Variants in LHFPL3 observed in about 807,000 individuals in gnomAD.
LHFPL3 encodes LHFPL tetraspan subfamily member 3 protein.
LHFPL3 carries 5 observed loss-of-function variants against 19.3 expected under a neutral mutation model. The observed-to-expected ratio is 0.26, with a 90% CI of 0.14 to 0.54. The LOEUF (loss-of-function observed/expected upper bound fraction) is 0.54. LHFPL3 is among the 20% of genes least tolerant of loss of function. LHFPL3 has a pLI of 0.94. For missense variants in LHFPL3, 249 were observed against 307.4 expected (o/e 0.81, Z 1.42); for synonymous variants, 133 against 126.2 (o/e 1.05, Z -0.36).
intron 1 of LHFPL3, among the ~76,000 whole-genome samples, chr7:104,531,088 C>T (rs866932830): frequency 6.6e-6 from 1 of 152,210 alleles, no homozygotes; most frequent in African/African-American, 2.4e-5. Flanking sequence ...AAGTCAGCAT[C>T]AAAGGATGCT....
intron 2 of LHFPL3, chr7:104,785,617 C>T (rs1306884353): frequency 6.6e-6 from 1 of 152,216 alleles, no homozygotes; most frequent in Admixed American, 6.5e-5. Flanking sequence ...ATTCTCCCAA[C>T]CTGCTTTCAC....
At chr7:104,571,832 G>C (rs568186467) in intron 1 of LHFPL3, among the ~76,000 whole-genome samples, 5 of 152,266 alleles carry the variant, frequency 3.3e-5, no homozygotes, top group Admixed American at 6.5e-5. Flanking sequence ...GAGGAACAGA[G>C]TTCAGAATAT....
intron 2 of LHFPL3, among the ~76,000 whole-genome samples, chr7:104,760,067 T>C (rs1794348201): frequency 6.6e-6 from 1 of 152,182 alleles, no homozygotes; most frequent in Admixed American, 6.6e-5. Flanking sequence ...TACTTGTCAC[T>C]GGGCCTGACC....
At chr7:104,498,702 T>C (rs138591290) in intron 1 of LHFPL3, among the ~76,000 whole-genome samples, 305 of 152,282 alleles carry the variant, frequency 2.0e-3, no homozygotes, top group African/African-American at 7.1e-3. Context: ...GGTCTCGAAC[T>C]CCTGACCTCA....
chr7:104,790,286 G>A (rs1790000516), intron 2 of LHFPL3, among the ~76,000 whole-genome samples: 1 of 152,118 alleles, frequency 6.6e-6, no homozygotes. Context: ...CCTTATACCT[G>A]CTAAAATCAA....
chr7:104,823,505 G>A (rs1391958976), intron 2 of LHFPL3, among the ~76,000 whole-genome samples: 8 of 151,996 alleles, frequency 5.3e-5, no homozygotes, highest in African/African-American at 7.3e-5. Context: ...TCCATTCAGA[G>A]CTTAATTTCC....
At chr7:104,895,826 A>G (rs369453722) in intron 2 of LHFPL3, 2 of 152,222 alleles carry the variant, frequency 1.3e-5, no homozygotes, top group African/African-American at 2.4e-5. Context: ...AAATGAAAAC[A>G]TTGGAACCAT....
chr7:104,885,745 T>C (rs1464943945), intron 2 of LHFPL3, among the ~76,000 whole-genome samples: 1 of 152,164 alleles, frequency 6.6e-6, no homozygotes, highest in African/African-American at 2.4e-5. Flanking sequence ...TCACTCACAG[T>C]GAGTCTTACA....
intron 1 of LHFPL3, among the ~76,000 whole-genome samples, chr7:104,556,235 G>C (rs1408947882): frequency 2.0e-5 from 3 of 152,156 alleles, no homozygotes; most frequent in Non-Finnish European, 4.4e-5. Context: ...AGGAATCTGT[G>C]GGGGAGCTCT....
At chr7:104,554,631 TTAGA>T (rs1284347782) in intron 1 of LHFPL3, among the ~76,000 whole-genome samples, 8 of 141,810 alleles carry the variant, frequency 5.6e-5, no homozygotes, top group Non-Finnish European at 6.1e-5. Context: ...ATAGGATAGA[TTAGA>T]TAGACAGATA....
At chr7:104,734,303 C>T (rs530458674) in intron 1 of LHFPL3, among the ~76,000 whole-genome samples, 8 of 151,992 alleles carry the variant, frequency 5.3e-5, no homozygotes, top group Non-Finnish European at 1.0e-4. Flanking sequence ...GGATAATATC[C>T]TGCAGAGTGT....
At chr7:104,735,865 C>T (rs1584505048) in intron 1 of LHFPL3, among the ~76,000 whole-genome samples, 2 of 152,350 alleles carry the variant, frequency 1.3e-5, no homozygotes, top group African/African-American at 4.8e-5. Flanking sequence ...CTTTCTTTAT[C>T]AGTTCATCCA....
chr7:104,586,172 TA>T (rs1790572196), intron 1 of LHFPL3, among the ~76,000 whole-genome samples: 1 of 151,954 alleles, frequency 6.6e-6, no homozygotes, highest in African/African-American at 2.4e-5. Context: ...AAGGAGGAAA[TA>T]AAAGAAAGTA....
intron 1 of LHFPL3, among the ~76,000 whole-genome samples, chr7:104,329,856 C>G (rs150592799): frequency 2.4e-3 from 367 of 152,296 alleles, no homozygotes; most frequent in African/African-American, 8.5e-3. Context: ...TTCGCAATTC[C>G]TCAATGTCAA....
intron 2 of LHFPL3, among the ~76,000 whole-genome samples, chr7:104,770,120 AT>A (rs1794526578): frequency 1.3e-5 from 2 of 152,150 alleles, no homozygotes; most frequent in Non-Finnish European, 2.9e-5. Context: ...GGTACGAGAT[AT>A]TCTGGAACTA....
At chr7:104,377,509 A>G (rs975357775) in intron 1 of LHFPL3, among the ~76,000 whole-genome samples, 2 of 152,298 alleles carry the variant, frequency 1.3e-5, no homozygotes, top group East Asian at 3.9e-4. Flanking sequence ...TCTCTCCATT[A>G]TATTATCTTT....
chr7:104,568,006 C>G (rs1790155559), intron 1 of LHFPL3, among the ~76,000 whole-genome samples: 1 of 152,252 alleles, frequency 6.6e-6, no homozygotes, highest in East Asian at 1.9e-4. Context: ...GCTGTAGGTT[C>G]AAAGATGTCA....
At chr7:104,469,053 G>T (rs62485102) in intron 1 of LHFPL3, among the ~76,000 whole-genome samples, 2,727 of 152,256 alleles carry the variant, frequency 0.018, 32 homozygotes, top group Non-Finnish European at 0.028. Flanking sequence ...TCCATAGGAG[G>T]CTCCAATTTA....
chr7:104,835,810 G>A (rs931157919), intron 2 of LHFPL3, among the ~76,000 whole-genome samples: 5 of 151,580 alleles, frequency 3.3e-5, no homozygotes, highest in Admixed American at 3.3e-4. Flanking sequence ...GAACGTGCAG[G>A]TTTGTTACAT....
Sources: allele counts gnomAD v4.1 joint callset (sites outside exome capture counted in the v4.1 genomes callset), GRCh38; gene constraint gnomAD v4.1.1; transcripts MANE v1.5; gene names NCBI Gene and HGNC (gene_info 2026-07-23, HGNC 2026-07-21).